PTRH1: variants seen among roughly 807,000 people sequenced by gnomAD.
PTRH1 encodes peptidyl-tRNA hydrolase.
Under a neutral mutation model 15.7 loss-of-function variants are expected in PTRH1, and 13 were observed. The observed-to-expected ratio is 0.83, with a 90% CI of 0.54 to 1.31. PTRH1 has a LOEUF of 1.31. Among genes scored for constraint, PTRH1 ranks in the 40% most tolerant of loss-of-function variants. The pLI, the probability that PTRH1 is intolerant of heterozygous loss-of-function variation, is 0.00. For missense variants in PTRH1, 319 were observed against 296.2 expected (o/e 1.08, Z -0.56); for synonymous variants, 139 against 136.7 (o/e 1.02, Z -0.12).
intron 4 of PTRH1, 23 bp from the exon 5 acceptor site, chr9:127,714,305 C>A: frequency 1.2e-6 from 2 of 1,614,046 alleles, no homozygotes; most frequent in Non-Finnish European, 1.7e-6. Flanking sequence ...CAGAGAGGCC[C>A]AGGAAGCTTT....
At chr9:127,712,825 G>A (rs765955028), downstream of PTRH1, 7 of 1,613,822 alleles carry the variant, frequency 4.3e-6, no homozygotes, top group African/African-American at 1.3e-5. Flanking sequence ...GACCTCAGAA[G>A]GCTGCGTGTC....
chr9:127,712,975 C>A (rs759346417), downstream of PTRH1: 1 of 1,602,470 alleles, frequency 6.2e-7, no homozygotes, highest in Non-Finnish European at 8.5e-7. Flanking sequence ...GGGCCAGAAA[C>A]CTGGCTCGCC....
downstream of PTRH1, chr9:127,713,370 T>C (rs1842813755): frequency 1.7e-6 from 1 of 582,784 alleles, no homozygotes; most frequent in South Asian, 2.8e-5. Context: ...CAAGCCTCAA[T>C]GGGCCAAAGC....
chr9:127,695,092 A>ATGATGATGATGG (rs1554780138), exon 2 of PTRH1: 2 of 700,508 alleles, frequency 2.9e-6, no homozygotes, highest in African/African-American at 3.5e-5. Flanking sequence ...GATGATGATG[A>ATGATGATGATGG]TGGTGATGAT....
chr9:127,706,860 C>T (rs2131581630), intron 1 of PTRH1: 2 of 716,376 alleles, frequency 2.8e-6, no homozygotes, highest in South Asian at 2.1e-5. Context: ...CCTGGGGCCT[C>T]ACTGATGCCA....
chr9:127,710,786 G>A (rs772040393), downstream of PTRH1: 1 of 1,551,684 alleles, frequency 6.4e-7, no homozygotes, highest in East Asian at 2.4e-5. Context: ...TGGGGCCTTT[G>A]GAGGCTTCAT....
At chr9:127,702,987 C>T (rs1842615571) in intron 1 of PTRH1, among the ~76,000 whole-genome samples, 1 of 151,456 alleles carries the variant, frequency 6.6e-6, no homozygotes, top group South Asian at 2.1e-4. Context: ...TCCCAAAGTG[C>T]TGGGATTACA....
chr9:127,707,824 CCA>C (rs1842680898), intron 1 of PTRH1, among the ~76,000 whole-genome samples: 1 of 152,196 alleles, frequency 6.6e-6, no homozygotes, highest in African/African-American at 2.4e-5. Context: ...AGGCACCGCC[CCA>C]GTCTCAGGGT....
downstream of PTRH1, chr9:127,711,891 CCTG>C (rs755803604): frequency 8.8e-6 from 14 of 1,598,084 alleles, no homozygotes; most frequent in Non-Finnish European, 8.5e-6. Flanking sequence ...AGCTGCGCCT[CCTG>C]CTGAGCCAGT....
At chr9:127,703,461 GAGAA>G (rs955270912) in intron 1 of PTRH1, among the ~76,000 whole-genome samples, 1 of 152,012 alleles carries the variant, frequency 6.6e-6, no homozygotes, top group Non-Finnish European at 1.5e-5. Context: ...GAGAGAGAAA[GAGAA>G]AGAGAAAGAG....
chr9:127,711,759 C>A, downstream of PTRH1: 1 of 1,523,782 alleles, frequency 6.6e-7, no homozygotes, highest in Non-Finnish European at 8.8e-7. Context: ...GGAGGCCTGG[C>A]TGTGTCTGCA....
chr9:127,711,547 C>T (rs560128685), downstream of PTRH1: 28 of 1,581,904 alleles, frequency 1.8e-5, no homozygotes, highest in Middle Eastern at 2.1e-4. Flanking sequence ...GGCAGGAGGC[C>T]GCCCTGGGGG....
chr9:127,715,314 G>A lies in PTRH1; in HGVS notation c.97-120C>T. Reference sequence around the variant, plus strand: ...CAGAGCAACGCTGCAGTGGGGAAGGGGCGCGAAGAAGGGGCCCAGAAACCC... The same window carrying A: ...CAGAGCAACGCTGCAGTGGGGAAGGAGCGCGAAGAAGGGGCCCAGAAACCC... On this transcript the variant is annotated intron_variant, in intron 1 of 4. Coordinates refer to ENST00000543175, the MANE Select transcript of PTRH1 (RefSeq NM_001002913.3). This position sits in a 1 kb window ranked among gnomAD's most constrained non-coding sequence, Gnocchi z 5.8. The A allele has an allele frequency of 7.5e-7, 1 of 1,328,702 alleles. No homozygotes were observed. The highest frequency in any genetic ancestry group is 1.0e-6 in the Non-Finnish European group (1 of 957,626). 82.3% of individuals were successfully genotyped at this position (1,328,702 alleles called of 1,614,324 possible).
chr9:127,697,496 C>CA (rs528209480), intron 1 of PTRH1, among the ~76,000 whole-genome samples: 98 of 151,018 alleles, frequency 6.5e-4, no homozygotes, highest in Middle Eastern at 3.4e-3. Context: ...CCCATCTCTA[C>CA]AAAAAAAAAC....
exon 2 of PTRH1, chr9:127,694,956 C>T: frequency 1.4e-6 from 1 of 702,180 alleles, no homozygotes; most frequent in South Asian, 1.5e-5. Flanking sequence ...GGCCTCTTTC[C>T]ACATGATCCT....
In PTRH1 at chr9:127,705,548, G is replaced by A. The variant is rs1026951336; in HGVS notation, c.205+9887C>T. On this transcript the variant is annotated intron_variant, in intron 1 of 2. Transcript: ENST00000335223. The surrounding 1 kb of genome is among the most constrained non-coding windows in gnomAD (Gnocchi z 4.7). Reference sequence around the variant, plus strand: ...CTGTGGGCTCCAGGCTGCCCGAGGGGCTGTGGGCCCCATTAAGCTGGGAAT... The same window carrying A: ...CTGTGGGCTCCAGGCTGCCCGAGGGACTGTGGGCCCCATTAAGCTGGGAAT... Among the ~76,000 whole-genome samples, 3 of 152,248 alleles carry A rather than the reference G, an allele frequency of 2.0e-5. No homozygotes were observed. The highest frequency in any genetic ancestry group is 2.9e-5 in the Non-Finnish European group (2 of 68,048).
chr9:127,712,465 C>T, downstream of PTRH1: 1 of 1,477,404 alleles, frequency 6.8e-7, no homozygotes, highest in Non-Finnish European at 9.1e-7. Flanking sequence ...CCCTGAGAGA[C>T]TCCTGGAAAG....
chr9:127,710,600 G>A (rs780049540), downstream of PTRH1: 4 of 1,579,330 alleles, frequency 2.5e-6, no homozygotes, highest in South Asian at 4.6e-5. Flanking sequence ...GTGGCGGCCA[G>A]GGGGGAAGCT....
At chr9:127,713,355 G>C (rs1487244896), downstream of PTRH1, 6 of 654,044 alleles carry the variant, frequency 9.2e-6, no homozygotes, top group Non-Finnish European at 1.5e-5. Context: ...GAAGAAAGGA[G>C]TGGCCAAGCC....
Sources: gnomAD v4.1 joint callset for allele counts (sites outside exome capture counted in the v4.1 genomes callset) on GRCh38, gnomAD v4.1.1 for gene constraint, Gnocchi (gnomAD v3.1) non-coding constraint, MANE v1.5 for transcripts, NCBI Gene and HGNC (gene_info 2026-07-23, HGNC 2026-07-21) for gene names.